The following DNER variants were observed in gnomAD, a reference collection of about 807,000 sequenced individuals.
The protein encoded by DNER is delta/notch like EGF repeat containing, also known as delta and Notch-like epidermal growth factor-related receptor.
A neutral mutation model predicts 78.2 loss-of-function variants in DNER; 33 were observed. The observed-to-expected ratio is 0.42, with a 90% confidence interval of 0.32 to 0.56. DNER has a LOEUF of 0.56. DNER is among the 20% of genes least tolerant of loss of function. DNER has a pLI of 0.11. For synonymous variants in DNER, 417 were observed against 384.8 expected, an observed-to-expected ratio of 1.08 and a Z score of -0.98; for missense variants, 918 against 975.3, an observed-to-expected ratio of 0.94 and a Z score of 0.78.
At chr2:229,619,491 G>C (rs1355277271) in intron 1 of DNER, among the ~76,000 whole-genome samples, 4 of 152,156 alleles carry the variant, frequency 2.6e-5, no homozygotes, top group Non-Finnish European at 1.5e-5. Flanking sequence ...GAGTCAAGAA[G>C]TTGGCCACTG....
chr2:229,591,516 C>T lies in DNER; in HGVS notation c.585+64G>A, dbSNP rs56156768. 0.077 allele frequency: 116,432 copies of T among 1,518,464 alleles called. 5,127 individuals carry two copies. Among genetic ancestry groups the T allele is most frequent in the Middle Eastern group, 0.14 (802 of 5,678 alleles). 94.1% of individuals were successfully genotyped at this position (1,518,464 alleles called of 1,614,324 possible). On this transcript the variant is annotated intron_variant, in intron 2 of 12. Coordinates refer to ENST00000341772, the MANE Select transcript of DNER (RefSeq NM_139072.4). This position sits in a 1 kb window ranked among gnomAD's most constrained non-coding sequence, Gnocchi z 4.6. ...CATTTTTAATTGCTGATACTAGAAC[C>T]GCTGGAGTCACTTTAAGATTTCTGG... is the stretch of plus-strand genomic sequence containing the variant.
chr2:229,706,774 G>T (rs943549401), intron 1 of DNER, among the ~76,000 whole-genome samples: 10 of 152,106 alleles, frequency 6.6e-5, no homozygotes, highest in African/African-American at 1.4e-4. Context: ...CAAGGTTTCA[G>T]TATGTTGCCC....
intron 1 of DNER, among the ~76,000 whole-genome samples, chr2:229,686,594 G>C (rs1699486474): frequency 6.6e-6 from 1 of 151,990 alleles, no homozygotes; most frequent in Non-Finnish European, 1.5e-5. Context: ...CCCCATCTCT[G>C]ACCTATCTAG....
chr2:229,705,141 A>C (rs540141680), intron 1 of DNER, among the ~76,000 whole-genome samples: 2 of 152,330 alleles, frequency 1.3e-5, no homozygotes, highest in East Asian at 3.9e-4. Flanking sequence ...CAGTCGTCTC[A>C]TGGAAAAGAA....
intron 1 of DNER, among the ~76,000 whole-genome samples, chr2:229,625,360 C>T (rs6436879): frequency 0.21 from 31,506 of 152,074 alleles, 3,903 homozygotes; most frequent in African/African-American, 0.32. Flanking sequence ...TTCCCGATTC[C>T]ACTCCCTTAC....
chr2:229,448,410 G>A (rs567458729), intron 7 of DNER, among the ~76,000 whole-genome samples: 47 of 152,304 alleles, frequency 3.1e-4, no homozygotes, highest in African/African-American at 1.1e-3. Flanking sequence ...GTCCACTGGG[G>A]TGGATGGAAA....
chr2:229,482,317 T>A (rs1695178029), intron 6 of DNER, among the ~76,000 whole-genome samples: 1 of 152,260 alleles, frequency 6.6e-6, no homozygotes, highest in African/African-American at 2.4e-5. Flanking sequence ...CTTGCTTTCT[T>A]TCAATCCATT....
At chr2:229,502,299 G>A (rs1695636115) in intron 6 of DNER, among the ~76,000 whole-genome samples, 1 of 152,184 alleles carries the variant, frequency 6.6e-6, no homozygotes, top group African/African-American at 2.4e-5. Context: ...GTGCTCCCTT[G>A]AGGAGGCCAC....
intron 8 of DNER, among the ~76,000 whole-genome samples, chr2:229,434,251 C>T (rs540778963): frequency 6.0e-4 from 91 of 152,328 alleles, no homozygotes; most frequent in African/African-American, 2.1e-3. Flanking sequence ...ATCGTGTCAT[C>T]CTCTAAGCTT....
chr2:229,570,456 G>A (rs973435033), intron 4 of DNER, among the ~76,000 whole-genome samples: 1 of 152,096 alleles, frequency 6.6e-6, no homozygotes, highest in South Asian at 2.1e-4. Context: ...GTGAAACCCC[G>A]TCTCTACTAA....
intron 4 of DNER, among the ~76,000 whole-genome samples, chr2:229,573,075 T>C (rs1056821501): frequency 1.3e-5 from 2 of 152,228 alleles, no homozygotes; most frequent in African/African-American, 2.4e-5. Context: ...ACGTGATCCC[T>C]GTTTTTTATC....
intron 1 of DNER, among the ~76,000 whole-genome samples, chr2:229,608,992 G>A (rs1697996509): frequency 6.6e-6 from 1 of 152,156 alleles, no homozygotes; most frequent in South Asian, 2.1e-4. Flanking sequence ...GGAGGCCAAG[G>A]CAGGTGGATC....
chr2:229,517,661 CG>C (rs1696007883), intron 5 of DNER, among the ~76,000 whole-genome samples: 1 of 152,164 alleles, frequency 6.6e-6, no homozygotes, highest in Non-Finnish European at 1.5e-5. Flanking sequence ...CGTCAAATCC[CG>C]TGGGATGGTG....
At chr2:229,555,166 A>C (rs1696834292) in intron 4 of DNER, among the ~76,000 whole-genome samples, 1 of 152,200 alleles carries the variant, frequency 6.6e-6, no homozygotes, top group African/African-American at 2.4e-5. Context: ...TCTGATGCAG[A>C]GTGGTATTTT....
intron 6 of DNER, among the ~76,000 whole-genome samples, chr2:229,503,473 G>A (rs903923305): frequency 6.6e-6 from 1 of 152,152 alleles, no homozygotes; most frequent in African/African-American, 2.4e-5. Context: ...AAATAAATAG[G>A]ATGCACTATC....
intron 1 of DNER, among the ~76,000 whole-genome samples, chr2:229,638,647 A>T (rs1369909677): frequency 1.3e-5 from 2 of 152,198 alleles, no homozygotes; most frequent in Non-Finnish European, 1.5e-5. Flanking sequence ...TAGAAGACAC[A>T]GGGATATTTT....
chr2:229,376,796 T>C (rs116501871), intron 11 of DNER, among the ~76,000 whole-genome samples: 2,043 of 152,266 alleles, frequency 0.013, 20 homozygotes, highest in Non-Finnish European at 0.02. Context: ...TAGTTACCTT[T>C]AAGGAGTGAG....
intron 11 of DNER, among the ~76,000 whole-genome samples, chr2:229,369,669 A>G (rs1692437100): frequency 6.6e-6 from 1 of 152,148 alleles, no homozygotes; most frequent in African/African-American, 2.4e-5. Flanking sequence ...TCCTAAAAGC[A>G]CCAACCTGTA....
intron 4 of DNER, among the ~76,000 whole-genome samples, chr2:229,547,947 G>A (rs1430314840): frequency 6.6e-6 from 1 of 152,128 alleles, no homozygotes; most frequent in African/African-American, 2.4e-5. Flanking sequence ...TTCACTAAGT[G>A]AGCATTTTTT....
Sources: gnomAD v4.1 joint callset for allele counts (sites outside exome capture counted in the v4.1 genomes callset) on GRCh38, gnomAD v4.1.1 for gene constraint, Gnocchi (gnomAD v3.1) non-coding constraint, MANE v1.5 for transcripts, NCBI Gene and HGNC (gene_info 2026-07-23, HGNC 2026-07-21) for gene names.